TRMT1: variants seen among roughly 807,000 people sequenced by gnomAD.
TRMT1 encodes tRNA methyltransferase 1, also known as tRNA (guanine(26)-N(2))-dimethyltransferase.
A neutral mutation model predicts 75.4 loss-of-function variants in TRMT1; 63 were observed. The observed-to-expected ratio is 0.84, with a 90% CI of 0.68 to 1.03. The LOEUF (loss-of-function observed/expected upper bound fraction) is 1.03. Among genes scored for constraint, TRMT1 ranks in the 50% least tolerant of loss-of-function variants. TRMT1 has a pLI of 0.00. For missense variants in TRMT1, 870 were observed against 905.3 expected (o/e 0.96, Z 0.50); for synonymous variants, 382 against 358.1 (o/e 1.07, Z -0.75).
At position 13,115,318 on chromosome 19, in the gene TRMT1, T is replaced by C. The variant is rs779197518; in HGVS notation, c.602A>G (p.Asp201Gly). ...GCTCGGCTGTACCAGGTGGGCCACG[T>C]CATTGAGCTGGACATTCCGGCGTAT... ...DLIRRNVQLN[D>G]VAHLVQPSQA... Residue 201 changes from aspartate to glycine, a missense_variant, in exon 5 of 17, where the codon GAC becomes GGC. Physicochemically the swap from Asp to Gly is moderately conservative, Grantham distance 94 (BLOSUM62 -1). Transcript: ENST00000357720. 1 of 1,613,814 alleles carries C rather than the reference T, an allele frequency of 6.2e-7. No individual in the cohort carries two copies. Among genetic ancestry groups the C allele is most frequent in the South Asian group, 1.1e-5 (1 of 91,078 alleles).
In TRMT1 at chr19:13,109,473, T is replaced by C; in HGVS notation, c.1312-7A>G. ...GAGGCACGTCCGGGAGCTCCTGCGA[T>C]GGGGGACAGGATGGGCATGAGTGGA... On this transcript the variant is annotated splice_polypyrimidine_tract_variant and splice_region_variant and intron_variant, in intron 11 of 16. Transcript: ENST00000357720. The C allele has an allele frequency of 6.2e-7, 1 of 1,613,820 alleles. No homozygotes were observed. The highest frequency in any genetic ancestry group is 8.5e-7 in the Non-Finnish European group (1 of 1,179,940).
At chr19:13,113,553 T>C (rs576752006) in intron 5 of TRMT1, among the ~76,000 whole-genome samples, 1 of 152,256 alleles carries the variant, frequency 6.6e-6, no homozygotes, top group South Asian at 2.1e-4. Flanking sequence ...ACAATACTGA[T>C]ATAAGACGTA....
rs776518973 is a variant in TRMT1, at chr19:13,110,306, C to T, written c.871G>A (p.Ala291Thr). Residue 291 changes from alanine (A) to threonine (T), a missense_variant and splice_region_variant, in exon 8 of 17, where the codon GCC becomes ACC. Coordinates refer to ENST00000357720, the MANE Select transcript of TRMT1 (RefSeq NM_001136035.4). The stretch of plus-strand genomic sequence containing the variant: ...AGGCTGTGCAGGACGATTCTCAGGG[C>T]CTGGGGGTGGGGGGTGGGTGTCAGC... ...ALKSRACHEM[A>T]LRIVLHSLDL... is the part of the protein sequence containing the mutation. 1.9e-6 allele frequency: 3 copies of T among 1,572,142 alleles called. No homozygotes were observed. The South Asian group carries it at 3.5e-5, about 18-fold the overall frequency.
In TRMT1 at chr19:13,115,371, G is replaced by A. The variant is rs559922059; in HGVS notation, c.549C>T (p.Asn183=). ...EVPGLRSVVA[N]DASTRAVDLI... is the part of the protein sequence containing the mutation. ...GATCCACAGCCCGGGTGGAGGCATC[G>A]TTTGCAACCACAGATCTGAGCCCAG... The change falls in exon 5 of 17, where the codon AAC becomes AAT. Residue 183 remains asparagine (N), a synonymous_variant. Coordinates refer to ENST00000357720, the MANE Select transcript of TRMT1 (RefSeq NM_001136035.4). 1.5e-5 allele frequency: 24 copies of A among 1,614,076 alleles called. No individual in the cohort carries two copies. Among genetic ancestry groups the A allele is most frequent in the African/African-American group, 4.0e-5 (3 of 75,030 alleles).
intron 8 of TRMT1, 69 bp downstream of exon 8, chr19:13,110,089 C>A (rs1041219674): frequency 6.2e-7 from 1 of 1,608,370 alleles, no homozygotes; most frequent in Non-Finnish European, 8.5e-7. Context: ...CTTAAGAAGC[C>A]CCAGATCCCC....
chr19:13,114,692 T>A, intron 5 of TRMT1, among the ~76,000 whole-genome samples: 1 of 146,956 alleles, frequency 6.8e-6, no homozygotes, highest in Admixed American at 6.8e-5. Context: ...AAAATAAAAA[T>A]TAGCCAGGCG....
rs530684805 is a variant in TRMT1 at position 13,107,903 on chromosome 19, A to T, written c.1398-44T>A. The T allele has an allele frequency of 3.3e-6, 5 of 1,519,552 alleles. No individual in the cohort carries two copies. In the African/African-American group the frequency reaches 7.0e-5, roughly 21 times the overall value. The allele number at this position is 1,519,552 out of a possible 1,614,324, so 94.1% of individuals were successfully genotyped here. ...TATGAGGGAGATGCCGGACTCCTTG[A>T]CCCCAAAGCCCAAGCTGACCAGCGT... On this transcript the variant is annotated intron_variant, in intron 12 of 16. Coordinates refer to ENST00000357720, the MANE Select transcript of TRMT1 (RefSeq NM_001136035.4).
intron 7 of TRMT1, among the ~76,000 whole-genome samples, chr19:13,112,301 T>C (rs1169696880): frequency 1.3e-5 from 2 of 152,154 alleles, no homozygotes; most frequent in South Asian, 2.1e-4. Flanking sequence ...CAGACCATCA[T>C]TGTGCCCATT....
chr19:13,107,517 CAT>C, intron 14 of TRMT1, 55 bp downstream of exon 14: 8 of 1,541,272 alleles, frequency 5.2e-6, no homozygotes, highest in Admixed American at 1.9e-5. Flanking sequence ...TCTGCACACA[CAT>C]GTGCTTCCAT....
At chr19:13,111,220 T>A (rs950957060) in intron 7 of TRMT1, among the ~76,000 whole-genome samples, 3 of 151,014 alleles carry the variant, frequency 2.0e-5, no homozygotes, top group African/African-American at 7.3e-5. Flanking sequence ...ATTTTTAGGG[T>A]TTTTTTGTAG....
Position 13,109,692 on chromosome 19 carries a change from C to G in TRMT1, c.1177-8G>C, listed in dbSNP as rs77560275. The G allele has an allele frequency of 5.6e-6, 9 of 1,613,704 alleles. No individual in the cohort carries two copies. The highest frequency in any genetic ancestry group is 6.8e-6 in the Non-Finnish European group (8 of 1,179,976). On this transcript the variant is annotated splice_polypyrimidine_tract_variant and splice_region_variant and intron_variant, in intron 10 of 16. Transcript: ENST00000357720. ...CCACATGGGGCCACCAAGCTGGGGG[C>G]GCACCGGGGACAGGTGAGCAGGGAC... is the stretch of plus-strand genomic sequence containing the variant.
intron 11 of TRMT1, 25 bp downstream of exon 11, chr19:13,109,525 T>G (rs2019040187): frequency 6.2e-7 from 1 of 1,613,814 alleles, no homozygotes; most frequent in African/African-American, 1.3e-5. Context: ...TGGAGCCCCC[T>G]TCCCCGTCAC....
chr19:13,115,966 C>G, intron 3 of TRMT1, 31 bp downstream of exon 3: 1 of 1,613,860 alleles, frequency 6.2e-7, no homozygotes, highest in Non-Finnish European at 8.5e-7. Flanking sequence ...TGTGTGACCC[C>G]CGCCCACCAG....
At chr19:13,110,096 C>A in intron 8 of TRMT1, 62 bp downstream of exon 8, 1 of 1,608,110 alleles carries the variant, frequency 6.2e-7, no homozygotes. Context: ...AGCCCCAGAT[C>A]CCCCAGGGCA....
chr19:13,115,108 C>T (rs1348537601), intron 5 of TRMT1, among the ~76,000 whole-genome samples, 171 bp downstream of exon 5: 2 of 152,200 alleles, frequency 1.3e-5, no homozygotes, highest in African/African-American at 2.4e-5. Flanking sequence ...TTATCTATTA[C>T]TCATCACAGC....
chr19:13,116,631 G>A (rs2019377477), intron 1 of TRMT1, 22 bp downstream of exon 1: 2 of 601,212 alleles, frequency 3.3e-6, no homozygotes, highest in Non-Finnish European at 5.7e-6. Flanking sequence ...ATCCCTCCCC[G>A]CGCTGCCTAG....
At chr19:13,106,022 A>T (rs2018853034) in intron 14 of TRMT1, among the ~76,000 whole-genome samples, 1 of 151,884 alleles carries the variant, frequency 6.6e-6, no homozygotes, top group South Asian at 2.1e-4. Flanking sequence ...AAATCGCACC[A>T]CTGCACTCCA....
chr19:13,112,881 C>T lies in TRMT1; in HGVS notation c.757+15G>A. 6.2e-7 allele frequency: 1 copy of T among 1,612,366 alleles called. No homozygotes were observed. Among genetic ancestry groups the T allele is most frequent in the Non-Finnish European group, 8.5e-7 (1 of 1,178,950 alleles). On this transcript the variant is annotated intron_variant, in intron 6 of 16. Transcript: ENST00000357720. ...CCCAAGCCCTGCTCCCACCCCAGTG[C>T]CATCCCCACCTCACCTCCTTCACTC...
chr19:13,109,979 A>G lies in TRMT1; in HGVS notation c.1042T>C (p.Cys348Arg), dbSNP rs771096015. Residue 348 changes from cysteine (C) to arginine (R), a missense_variant, in exon 9 of 17, where the codon TGT becomes CGT. Physicochemically the swap from Cys to Arg is radical, Grantham distance 180 (BLOSUM62 -3). Transcript: ENST00000357720. ...SASKQALVFQ[C>R]VGCGAFHLQR... ...AGGTGGAAGGCCCCGCAGCCCACAC[A>G]CTGGAACACCAGCGCCTGCTTGCTG... 12 of 1,613,484 alleles carry G rather than the reference A, an allele frequency of 7.4e-6. No individual in the cohort carries two copies. The Admixed American group carries it at 1.3e-4, about 18-fold the overall frequency.
Sources: allele counts gnomAD v4.1 joint callset (sites outside exome capture counted in the v4.1 genomes callset), GRCh38; gene constraint gnomAD v4.1.1; transcripts MANE v1.5; gene names NCBI Gene and HGNC (gene_info 2026-07-23, HGNC 2026-07-21).